NRG1: variants seen among roughly 807,000 people sequenced by gnomAD.
NRG1 encodes the protein pro-neuregulin-1, membrane-bound isoform.
A neutral mutation model predicts 63.8 loss-of-function variants in NRG1; 18 were observed. That is an observed-to-expected ratio of 0.28 (90% CI 0.19 to 0.42). The LOEUF (loss-of-function observed/expected upper bound fraction) is 0.42, where lower values mean the gene tolerates loss of function less well. NRG1 is among the 10% of genes least tolerant of loss of function. NRG1 has a pLI of 1.00. For missense variants in NRG1, 762 were observed against 814.7 expected, an observed-to-expected ratio of 0.94 and a Z score of 0.79; for synonymous variants, 302 against 301.3, an observed-to-expected ratio of 1.00 and a Z score of -0.02.
At chr8:31,739,023 C>T (rs1814985633) in intron 1 of NRG1, among the ~76,000 whole-genome samples, 1 of 151,920 alleles carries the variant, frequency 6.6e-6, no homozygotes, top group South Asian at 2.1e-4. Context: ...ATAACTACAT[C>T]TGTGTGTGTG....
chr8:31,770,625 G>A (rs1367603490), intron 1 of NRG1, among the ~76,000 whole-genome samples: 1 of 151,668 alleles, frequency 6.6e-6, no homozygotes, highest in African/African-American at 2.4e-5. Flanking sequence ...TGTGGGGTGG[G>A]GGTAGGGGGG....
intron 1 of NRG1, among the ~76,000 whole-genome samples, chr8:31,846,544 C>T (rs990206653): frequency 1.3e-5 from 2 of 152,146 alleles, no homozygotes; most frequent in Admixed American, 1.3e-4. Flanking sequence ...CTAGGTGTTT[C>T]CTAAGGCTTC....
chr8:32,446,441 G>C (rs947391032), intron 1 of NRG1, among the ~76,000 whole-genome samples: 4 of 152,244 alleles, frequency 2.6e-5, no homozygotes, highest in African/African-American at 9.6e-5. Context: ...GATCACTTGA[G>C]ACCAGGAGTT....
chr8:31,905,435 A>G (rs1042652076), intron 1 of NRG1, among the ~76,000 whole-genome samples: 2 of 152,222 alleles, frequency 1.3e-5, no homozygotes, highest in South Asian at 2.1e-4. Flanking sequence ...ACTATTATAC[A>G]TGATAATTGT....
intron 6 of NRG1, among the ~76,000 whole-genome samples, chr8:32,740,392 C>T (rs1019922994): frequency 2.1e-4 from 32 of 151,968 alleles, no homozygotes; most frequent in African/African-American, 6.8e-4. Flanking sequence ...GACAGGGTTT[C>T]GCCATGTTGG....
intron 1 of NRG1, among the ~76,000 whole-genome samples, chr8:32,313,801 A>G (rs1268997290): frequency 6.6e-6 from 1 of 152,140 alleles, no homozygotes; most frequent in African/African-American, 2.4e-5. Flanking sequence ...ATTTTAGTCT[A>G]TTTGTCTCTT....
chr8:32,403,271 G>C (rs1368344704), intron 1 of NRG1, among the ~76,000 whole-genome samples: 1 of 132,446 alleles, frequency 7.6e-6, no homozygotes, highest in Non-Finnish European at 1.5e-5. Flanking sequence ...CTGCACTCCA[G>C]CCTGGGCGAC....
chr8:32,346,502 C>T (rs1804915616), intron 1 of NRG1, among the ~76,000 whole-genome samples: 1 of 151,386 alleles, frequency 6.6e-6, no homozygotes, highest in African/African-American at 2.4e-5. Flanking sequence ...TTACTACAGC[C>T]CCAGAATGGA....
intron 1 of NRG1, among the ~76,000 whole-genome samples, chr8:32,197,252 A>G (rs1843053731): frequency 1.3e-5 from 2 of 151,698 alleles, no homozygotes; most frequent in African/African-American, 4.8e-5. Context: ...ATGAGCCACC[A>G]CGCCCAGCCT....
chr8:32,209,626 A>C (rs1692264420), intron 1 of NRG1, among the ~76,000 whole-genome samples: 1 of 152,230 alleles, frequency 6.6e-6, no homozygotes, highest in Non-Finnish European at 1.5e-5. Flanking sequence ...TCTGAAAAAT[A>C]AAATGTATTT....
downstream of NRG1, among the ~76,000 whole-genome samples, chr8:32,770,124 C>T (rs999529983): frequency 1.3e-5 from 2 of 152,096 alleles, no homozygotes; most frequent in Non-Finnish European, 2.9e-5. Flanking sequence ...TCTGCCCACC[C>T]CACAGGATGC....
chr8:32,598,329 A>C (rs1012056958), intron 2 of NRG1, among the ~76,000 whole-genome samples: 1 of 151,874 alleles, frequency 6.6e-6, no homozygotes, highest in Non-Finnish European at 1.5e-5. Flanking sequence ...CCTGGAGAGA[A>C]GCAAATGAAG....
chr8:32,673,928 A>G lies in NRG1; in HGVS notation c.503-54021A>G, dbSNP rs193098072. ...TTCATGTGGCTGGAAAAATGCCACA[A>G]CATGACTTTTATCAGGCTAAAATTT... On this transcript the variant is annotated intron_variant, in intron 5 of 11. Transcript: ENST00000356819. 3.1e-3 allele frequency among the ~76,000 whole-genome samples: 474 copies of G among 152,296 alleles called. 5 individuals carry two copies. Among genetic ancestry groups the G allele is most frequent in the African/African-American group, 0.011 (443 of 41,554 alleles).
At chr8:32,238,460 A>AT (rs1847798331) in intron 1 of NRG1, among the ~76,000 whole-genome samples, 1 of 151,288 alleles carries the variant, frequency 6.6e-6, no homozygotes. Flanking sequence ...AAAAAAAAAA[A>AT]CCTTTAGGAA....
chr8:31,845,972 T>C (rs1438660758), intron 1 of NRG1, among the ~76,000 whole-genome samples: 1 of 152,152 alleles, frequency 6.6e-6, no homozygotes, highest in Non-Finnish European at 1.5e-5. Context: ...TTTCCTGATA[T>C]CTTAAAAAGG....
rs201754425 is a variant in NRG1 at position 32,194,134 on chromosome 8, TC to T, written c.38-401691del. On this transcript the variant is annotated intron_variant, in intron 1 of 10. Transcript: ENST00000519301. ...TCATCTCCAAGCCTCCGTTTCCTCA[TC>T]CCTAAAATAGAATCCAAAGCCCCTA... Among the ~76,000 whole-genome samples the T allele has an allele frequency of 4.5e-3, 687 of 152,284 alleles. 4 individuals carry two copies. The highest frequency in any genetic ancestry group is 0.015 in the African/African-American group (627 of 41,560).
intron 1 of NRG1, among the ~76,000 whole-genome samples, chr8:32,044,952 A>G (rs1563719351): frequency 6.7e-6 from 1 of 148,862 alleles, no homozygotes; most frequent in South Asian, 2.1e-4. Context: ...CAAAGCAATC[A>G]GAAGTAAAAA....
chr8:32,184,549 C>CCA (rs1271285534), intron 1 of NRG1, among the ~76,000 whole-genome samples: 33 of 150,760 alleles, frequency 2.2e-4, no homozygotes, highest in African/African-American at 6.8e-4. Context: ...AATGGGATAA[C>CCA]ATTTAAACTG....
intron 1 of NRG1, among the ~76,000 whole-genome samples, chr8:32,413,173 G>A (rs954236281): frequency 1.5e-4 from 23 of 152,024 alleles, no homozygotes; most frequent in Middle Eastern, 3.2e-3. Context: ...CAAATATATC[G>A]CAAAACATTT....
Sources: allele counts gnomAD v4.1 joint callset (sites outside exome capture counted in the v4.1 genomes callset), GRCh38; gene constraint gnomAD v4.1.1; transcripts MANE v1.5; gene names NCBI Gene and HGNC (gene_info 2026-07-23, HGNC 2026-07-21).